The following SPATS2 variants were observed in gnomAD, a reference collection of about 807,000 sequenced individuals.
The protein encoded by SPATS2 is spermatogenesis-associated serine-rich protein 2.
Under a neutral mutation model 63.7 loss-of-function variants are expected in SPATS2, and 38 were observed. That is an observed-to-expected ratio of 0.60 (90% CI 0.46 to 0.78). The LOEUF (loss-of-function observed/expected upper bound fraction) is 0.78, where lower values mean the gene tolerates loss of function less well. Among genes scored for constraint, SPATS2 ranks in the 30% least tolerant of loss-of-function variants. The probability of loss-of-function intolerance (pLI) is 0.00; values close to 1 mark genes in which losing one functional copy is unlikely to be tolerated. For synonymous variants in SPATS2, 207 were observed against 232.9 expected (o/e 0.89, Z 1.01); for missense variants, 588 against 666.2 (o/e 0.88, Z 1.29).
chr12:49,434,189 A>G (rs1017942953), intron 2 of SPATS2, among the ~76,000 whole-genome samples: 2 of 152,108 alleles, frequency 1.3e-5, no homozygotes, highest in Admixed American at 1.3e-4. Context: ...TAGCTTTGTA[A>G]TATGTTTTGA....
intron 2 of SPATS2, chr12:49,390,002 A>G (rs1944392034): frequency 1.2e-6 from 1 of 852,536 alleles, no homozygotes; most frequent in Admixed American, 1.7e-5. Context: ...GATTGCAAGG[A>G]ACAAGAACTA....
rs558739090 is a variant in SPATS2 at position 49,486,353 on chromosome 12, G to A, written c.105+1684G>A. ...CCCGTGTAGCTGGGGATACAGGTGC[G>A]TGCCACCATGCCTGGCTAAGTTTTT... is the stretch of plus-strand genomic sequence containing the variant. On this transcript the variant is annotated intron_variant, in intron 4 of 13. Coordinates refer to ENST00000552918, the MANE Select transcript of SPATS2 (RefSeq NM_023071.4). The A allele has an allele frequency of 3.5e-5, 12 of 338,260 alleles. No individual in the cohort carries two copies. In the East Asian group the frequency reaches 8.6e-4, roughly 24 times the overall value. The allele number at this position is 338,260 out of a possible 1,614,324, so 21.0% of individuals were successfully genotyped here.
At chr12:49,370,366 G>A (rs1461743213) in intron 1 of SPATS2, among the ~76,000 whole-genome samples, 1 of 152,142 alleles carries the variant, frequency 6.6e-6, no homozygotes, top group African/African-American at 2.4e-5. Flanking sequence ...GATTATTTCA[G>A]TCTTGCTGCT....
intron 2 of SPATS2, among the ~76,000 whole-genome samples, chr12:49,429,628 A>G (rs1379001519): frequency 1.3e-5 from 2 of 151,144 alleles, no homozygotes; most frequent in African/African-American, 2.4e-5. Flanking sequence ...TTGTATTTTT[A>G]TTTTTTTAGT....
intron 2 of SPATS2, among the ~76,000 whole-genome samples, chr12:49,436,923 C>G (rs1444788746): frequency 7.2e-6 from 1 of 138,850 alleles, no homozygotes; most frequent in Non-Finnish European, 1.6e-5. Context: ...ACCCCCCCAC[C>G]TCCCTCCCGG....
At chr12:49,504,900 C>CCTTG (rs1946631567) in intron 9 of SPATS2, among the ~76,000 whole-genome samples, 1 of 151,288 alleles carries the variant, frequency 6.6e-6, no homozygotes, top group Non-Finnish European at 1.5e-5. Context: ...GTAGCTGGGA[C>CCTTG]TACAAGGCGG....
At chr12:49,517,649 GC>G (rs1168666733) in intron 10 of SPATS2, among the ~76,000 whole-genome samples, 1 of 152,130 alleles carries the variant, frequency 6.6e-6, no homozygotes, top group Non-Finnish European at 1.5e-5. Context: ...CTGAGAGTAT[GC>G]TTATGGTCAA....
At chr12:49,494,265 T>TAAAAAA (rs1946429775) in intron 6 of SPATS2, among the ~76,000 whole-genome samples, 1 of 152,236 alleles carries the variant, frequency 6.6e-6, no homozygotes, top group African/African-American at 2.4e-5. Flanking sequence ...ACATACTTTT[T>TAAAAAA]GACCTTTGCT....
chr12:49,382,442 C>A (rs950641020), intron 2 of SPATS2, among the ~76,000 whole-genome samples: 4 of 152,162 alleles, frequency 2.6e-5, no homozygotes, highest in Admixed American at 6.5e-5. Context: ...AATTTTTATA[C>A]CGTATGAAGT....
intron 2 of SPATS2, among the ~76,000 whole-genome samples, chr12:49,380,255 C>G (rs1944191842): frequency 6.7e-6 from 1 of 150,202 alleles, no homozygotes; most frequent in South Asian, 2.1e-4. Flanking sequence ...CAGCCTCAAA[C>G]TCAAGTGAAC....
chr12:49,505,745 T>C (rs1354746635), intron 9 of SPATS2, among the ~76,000 whole-genome samples: 1 of 152,220 alleles, frequency 6.6e-6, no homozygotes, highest in East Asian at 1.9e-4. Flanking sequence ...TGAAAATAAA[T>C]GTATGTCTTA....
chr12:49,405,688 C>T (rs769565736), intron 2 of SPATS2, among the ~76,000 whole-genome samples: 16 of 152,160 alleles, frequency 1.1e-4, no homozygotes, highest in Non-Finnish European at 2.4e-4. Context: ...TAACTCCAGC[C>T]TGGGCGACAG....
In SPATS2 at chr12:49,524,503, A is replaced by G. The variant is rs190890352; in HGVS notation, c.1112-179A>G. Among the ~76,000 whole-genome samples, 4 of 152,338 alleles carry G rather than the reference A, an allele frequency of 2.6e-5. No individual in the cohort carries two copies. In the East Asian group the frequency reaches 5.8e-4, roughly 22 times the overall value. On this transcript the variant is annotated intron_variant, in intron 12 of 13. Transcript: ENST00000552918. ...TACAAAGCAGTGGGGCTTTGGAGGA[A>G]GTGGAGGAAGAGGGCAGAAGGGAGA...
chr12:49,525,015 A>G (rs959843972), intron 13 of SPATS2, 119 bp downstream of exon 13: 3 of 1,025,180 alleles, frequency 2.9e-6, no homozygotes, highest in Admixed American at 2.4e-5. Flanking sequence ...CCTGTTTTGA[A>G]TCCCTCCAAC....
At chr12:49,422,368 T>C (rs963559997) in intron 2 of SPATS2, among the ~76,000 whole-genome samples, 2 of 152,212 alleles carry the variant, frequency 1.3e-5, no homozygotes, top group African/African-American at 4.8e-5. Context: ...CAGTAAATGT[T>C]AGTTTCTTAT....
At chr12:49,375,253 T>C (rs1944080006) in intron 2 of SPATS2, among the ~76,000 whole-genome samples, 1 of 151,214 alleles carries the variant, frequency 6.6e-6, no homozygotes, top group African/African-American at 2.4e-5. Flanking sequence ...GAAGGATGTT[T>C]GTGATGAGGC....
chr12:49,437,843 G>GGGGAGAGGGAGA (rs993777230), intron 2 of SPATS2, among the ~76,000 whole-genome samples: 1 of 151,960 alleles, frequency 6.6e-6, no homozygotes, highest in Non-Finnish European at 1.5e-5. Context: ...GGGAGACCGT[G>GGGGAGAGGGAGA]GGGAGAGGGA....
intron 9 of SPATS2, among the ~76,000 whole-genome samples, chr12:49,501,261 G>A (rs1235955663): frequency 1.3e-5 from 2 of 152,194 alleles, no homozygotes; most frequent in East Asian, 3.8e-4. Context: ...TTTGGAGTCT[G>A]AGAAGTTTAA....
intron 2 of SPATS2, chr12:49,389,871 G>A: frequency 1.2e-6 from 1 of 836,330 alleles, no homozygotes; most frequent in East Asian, 2.4e-5. Context: ...CAAAAAAGAT[G>A]ATCCGGGAAA....
Sources: allele counts gnomAD v4.1 joint callset (sites outside exome capture counted in the v4.1 genomes callset), GRCh38; gene constraint gnomAD v4.1.1; transcripts MANE v1.5; gene names NCBI Gene and HGNC (gene_info 2026-07-23, HGNC 2026-07-21).